The following NRXN3 variants were observed in gnomAD, a reference collection of about 807,000 sequenced individuals.
NRXN3 encodes the protein neurexin 3.
NRXN3 carries 32 observed loss-of-function variants against 137.6 expected under a neutral mutation model. The observed-to-expected ratio is 0.23, with a 90% CI of 0.18 to 0.31. NRXN3 has a LOEUF of 0.31. Ranked by LOEUF, NRXN3 falls within the 10% of genes least tolerant of loss-of-function variation. The pLI is 1.00. For synonymous variants in NRXN3, 798 were observed against 784.5 expected, an observed-to-expected ratio of 1.02 and a Z score of -0.29; for missense variants, 1,574 against 2,062.5, an observed-to-expected ratio of 0.76 and a Z score of 4.59.
intron 4 of NRXN3, among the ~76,000 whole-genome samples, chr14:78,333,488 C>T (rs2081081104): frequency 6.6e-6 from 1 of 151,996 alleles, no homozygotes; most frequent in Non-Finnish European, 1.5e-5. Context: ...AAAGAAAAAT[C>T]ACAATAAATA....
intron 7 of NRXN3, among the ~76,000 whole-genome samples, chr14:78,711,268 T>C (rs1370264315): frequency 6.6e-6 from 1 of 152,164 alleles, no homozygotes. Context: ...CATTTGTTCA[T>C]TTCTGTCTGT....
intron 10 of NRXN3, among the ~76,000 whole-genome samples, chr14:78,849,649 C>T (rs2099037272): frequency 6.6e-6 from 1 of 152,078 alleles, no homozygotes; most frequent in Admixed American, 6.6e-5. Flanking sequence ...TTAATGCAAC[C>T]TATCACTGAA....
At chr14:79,629,178 A>G (rs572922095) in intron 16 of NRXN3, among the ~76,000 whole-genome samples, 7 of 151,980 alleles carry the variant, frequency 4.6e-5, no homozygotes, top group African/African-American at 1.5e-4. Context: ...TATCAAAGAC[A>G]TTATTTATTT....
chr14:79,486,558 G>C (rs2096657296), intron 16 of NRXN3, among the ~76,000 whole-genome samples: 1 of 152,102 alleles, frequency 6.6e-6, no homozygotes, highest in Non-Finnish European at 1.5e-5. Context: ...AGGAACCCCA[G>C]TATCAATGGT....
intron 16 of NRXN3, among the ~76,000 whole-genome samples, chr14:79,638,473 G>T (rs974717538): frequency 3.3e-5 from 5 of 152,110 alleles, no homozygotes; most frequent in Non-Finnish European, 7.3e-5. Flanking sequence ...GAAAATTCAG[G>T]TCTGTCAAAC....
chr14:78,452,819 G>T (rs1302257335), intron 4 of NRXN3, among the ~76,000 whole-genome samples: 1 of 152,176 alleles, frequency 6.6e-6, no homozygotes, highest in Admixed American at 6.5e-5. Flanking sequence ...TAGCCTTCTA[G>T]AGAGGTGGTG....
chr14:79,145,078 C>T (rs1399655383), intron 15 of NRXN3, among the ~76,000 whole-genome samples: 1 of 152,052 alleles, frequency 6.6e-6, no homozygotes, highest in African/African-American at 2.4e-5. Context: ...TTAGATGAAT[C>T]ATTTAAATGG....
chr14:79,066,517 G>A (rs2099680941), intron 15 of NRXN3, among the ~76,000 whole-genome samples: 1 of 151,956 alleles, frequency 6.6e-6, no homozygotes, highest in Admixed American at 6.6e-5. Flanking sequence ...TTCTAATTCT[G>A]TGAAGAATGT....
intron 15 of NRXN3, among the ~76,000 whole-genome samples, chr14:79,136,852 C>T (rs1205851017): frequency 6.6e-6 from 1 of 152,206 alleles, no homozygotes; most frequent in Non-Finnish European, 1.5e-5. Context: ...TAGAGCCTTG[C>T]TTCCAAAGCT....
At chr14:79,596,551 GA>G (rs906864253) in intron 16 of NRXN3, among the ~76,000 whole-genome samples, 2 of 151,610 alleles carry the variant, frequency 1.3e-5, no homozygotes, top group Admixed American at 6.6e-5. Flanking sequence ...ATAAACCTGA[GA>G]GGGGCTTCTG....
intron 10 of NRXN3, among the ~76,000 whole-genome samples, chr14:78,926,503 G>A (rs2099291677): frequency 1.4e-5 from 2 of 146,262 alleles, no homozygotes; most frequent in South Asian, 4.2e-4. Context: ...CACTTTGAGA[G>A]GCCAAGGTAG....
chr14:78,203,530 G>A (rs530564644), intron 1 of NRXN3, among the ~76,000 whole-genome samples: 1 of 152,240 alleles, frequency 6.6e-6, no homozygotes, highest in African/African-American at 2.4e-5. Flanking sequence ...TCCCCTGAGG[G>A]GTATGGCCAC....
chr14:78,226,576 A>G (rs766960855), intron 1 of NRXN3, among the ~76,000 whole-genome samples: 3 of 152,234 alleles, frequency 2.0e-5, no homozygotes, highest in Non-Finnish European at 4.4e-5. Context: ...AAATGGGAAA[A>G]CTAATGCAAA....
At chr14:79,600,150 C>T (rs1047359455) in intron 16 of NRXN3, among the ~76,000 whole-genome samples, 1 of 152,184 alleles carries the variant, frequency 6.6e-6, no homozygotes, top group African/African-American at 2.4e-5. Context: ...TTTGAAGTTT[C>T]AATGCAGGCA....
chr14:79,769,689 T>G (rs1370564840), intron 19 of NRXN3, among the ~76,000 whole-genome samples: 1 of 151,704 alleles, frequency 6.6e-6, no homozygotes, highest in Non-Finnish European at 1.5e-5. Context: ...GTAAAGACCA[T>G]CGAGACTAGG....
intron 4 of NRXN3, among the ~76,000 whole-genome samples, chr14:78,577,418 G>A (rs1012960686): frequency 1.3e-5 from 2 of 152,158 alleles, no homozygotes; most frequent in African/African-American, 2.4e-5. Flanking sequence ...AGGTTGAAAG[G>A]CATTGCCATT....
intron 16 of NRXN3, among the ~76,000 whole-genome samples, chr14:79,568,462 G>A (rs2097569750): frequency 6.6e-6 from 1 of 152,178 alleles, no homozygotes; most frequent in South Asian, 2.1e-4. Flanking sequence ...TATTCCAAAT[G>A]TGTAGATTTT....
chr14:79,022,500 A>T (rs969924059), intron 15 of NRXN3, among the ~76,000 whole-genome samples: 2 of 152,198 alleles, frequency 1.3e-5, no homozygotes, highest in African/African-American at 4.8e-5. Flanking sequence ...CAAGATTTCT[A>T]GTGTCATATT....
chr14:79,300,086 C>T (rs758525600), intron 15 of NRXN3, among the ~76,000 whole-genome samples: 5 of 152,024 alleles, frequency 3.3e-5, no homozygotes, highest in Non-Finnish European at 5.9e-5. Flanking sequence ...GTGACCCCTA[C>T]GTGCCAAGCA....
Sources: gnomAD v4.1 joint callset for allele counts (sites outside exome capture counted in the v4.1 genomes callset) on GRCh38, gnomAD v4.1.1 for gene constraint, MANE v1.5 for transcripts, NCBI Gene and HGNC (gene_info 2026-07-23, HGNC 2026-07-21) for gene names.